Variants in DSCAM observed in about 807,000 individuals in gnomAD.
The protein encoded by DSCAM is cell adhesion molecule DSCAM.
A neutral mutation model predicts 217.7 loss-of-function variants in DSCAM; 47 were observed. The observed-to-expected ratio is 0.22, with a 90% confidence interval of 0.17 to 0.28. The LOEUF is 0.28. DSCAM is among the 10% of genes least tolerant of loss of function. The pLI is 1.00. For synonymous variants in DSCAM, 1,056 were observed against 1,015.3 expected, an observed-to-expected ratio of 1.04 and a Z score of -0.76; for missense variants, 2,080 against 2,618.3, an observed-to-expected ratio of 0.79 and a Z score of 4.49.
At chr21:40,134,256 G>A (rs151176626) in intron 18 of DSCAM, among the ~76,000 whole-genome samples, 35 of 152,186 alleles carry the variant, frequency 2.3e-4, no homozygotes, top group African/African-American at 7.9e-4. Context: ...TCTGGAAAAC[G>A]AAGTAATTCG....
rs1209426523 is a variant in DSCAM at position 40,306,250 on chromosome 21, T to C, written c.2062+5831A>G. ...ATAATTTGGCTCTCTGTTTGTCTGT[T>C]ATTGGTATATAAGAATGCTTGTGAT... On this transcript the variant is annotated intron_variant, in intron 9 of 32. Coordinates refer to ENST00000400454, the MANE Select transcript of DSCAM (RefSeq NM_001389.5). 1.4e-5 allele frequency among the ~76,000 whole-genome samples: 2 copies of C among 144,536 alleles called. 1 individual carries two copies. The highest frequency in any genetic ancestry group is 5.6e-5 in the African/African-American group (2 of 36,008). The allele number at this position is 144,536 out of a possible 152,430, so 94.8% of individuals were successfully genotyped here. A position where few individuals can be genotyped will look rare whatever the true frequency, so the allele number is the denominator to read the frequency against.
intron 1 of DSCAM, among the ~76,000 whole-genome samples, chr21:40,810,401 T>G (rs147897878): frequency 8.5e-5 from 13 of 152,308 alleles, no homozygotes; most frequent in African/African-American, 3.1e-4. Flanking sequence ...ATGAATTTAT[T>G]AGAAGTTCTC....
chr21:40,469,468 G>T (rs2075870873), intron 3 of DSCAM, among the ~76,000 whole-genome samples: 2 of 152,086 alleles, frequency 1.3e-5, no homozygotes, highest in Admixed American at 1.3e-4. Context: ...AAACAAAATA[G>T]AATAAATTCC....
At chr21:40,715,246 T>C (rs915167011) in intron 1 of DSCAM, among the ~76,000 whole-genome samples, 3 of 152,246 alleles carry the variant, frequency 2.0e-5, no homozygotes, top group African/African-American at 4.8e-5. Flanking sequence ...AGTTTCATTA[T>C]ATGCCTGCCT....
intron 3 of DSCAM, among the ~76,000 whole-genome samples, chr21:40,405,623 A>G (rs2075273557): frequency 6.6e-6 from 1 of 152,250 alleles, no homozygotes; most frequent in Non-Finnish European, 1.5e-5. Context: ...TCCAAAATAC[A>G]TAAGAGACTC....
chr21:40,462,699 C>A (rs1444626798), intron 3 of DSCAM, among the ~76,000 whole-genome samples: 2 of 152,110 alleles, frequency 1.3e-5, no homozygotes, highest in Non-Finnish European at 2.9e-5. Context: ...GTATAGATAC[C>A]TGGGTTCCAT....
intron 3 of DSCAM, among the ~76,000 whole-genome samples, chr21:40,390,188 G>C (rs1180118544): frequency 1.3e-5 from 2 of 152,200 alleles, no homozygotes; most frequent in African/African-American, 4.8e-5. Context: ...ATTCAGACCT[G>C]CTCAGCAGGT....
At chr21:40,087,344 G>T in intron 21 of DSCAM, 57 bp from the exon 22 acceptor site, 1 of 1,361,996 alleles carries the variant, frequency 7.3e-7, no homozygotes, top group South Asian at 1.2e-5. Flanking sequence ...CTACACAGAG[G>T]CCAACATGAC....
chr21:40,707,413 AGC>A, intron 2 of DSCAM, among the ~76,000 whole-genome samples: 1 of 152,176 alleles, frequency 6.6e-6, no homozygotes, highest in African/African-American at 2.4e-5. Flanking sequence ...GGAATTCATG[AGC>A]ATGTCACAAA....
chr21:40,325,806 C>A (rs2074311078), intron 8 of DSCAM, among the ~76,000 whole-genome samples: 1 of 152,152 alleles, frequency 6.6e-6, no homozygotes, highest in Non-Finnish European at 1.5e-5. Flanking sequence ...TAATGCATAG[C>A]TGGTGGTAAA....
chr21:40,348,738 T>A (rs540309306), intron 5 of DSCAM, among the ~76,000 whole-genome samples: 1 of 152,332 alleles, frequency 6.6e-6, no homozygotes, highest in African/African-American at 2.4e-5. Context: ...AACATCCTCT[T>A]CGCTATTTTT....
At chr21:40,400,275 T>C (rs1328657780) in intron 3 of DSCAM, among the ~76,000 whole-genome samples, 1 of 152,196 alleles carries the variant, frequency 6.6e-6, no homozygotes, top group Non-Finnish European at 1.5e-5. Flanking sequence ...CCCCATTACA[T>C]TATTTAAAAA....
chr21:40,190,566 G>A (rs560394620), intron 11 of DSCAM, among the ~76,000 whole-genome samples: 7 of 152,182 alleles, frequency 4.6e-5, no homozygotes, highest in Non-Finnish European at 1.0e-4. Flanking sequence ...TGTTATATAT[G>A]TAGAAAAACA....
At chr21:40,270,488 G>A (rs935363978) in intron 11 of DSCAM, among the ~76,000 whole-genome samples, 2 of 152,126 alleles carry the variant, frequency 1.3e-5, no homozygotes. Flanking sequence ...GCATAAGCTG[G>A]GTGTTCACAA....
intron 3 of DSCAM, among the ~76,000 whole-genome samples, chr21:40,682,325 T>C (rs1202041410): frequency 6.6e-6 from 1 of 151,790 alleles, no homozygotes; most frequent in African/African-American, 2.4e-5. Flanking sequence ...GATTGGACTT[T>C]TAGATTGACA....
At chr21:40,561,535 A>G (rs751247305) in intron 3 of DSCAM, among the ~76,000 whole-genome samples, 10 of 152,158 alleles carry the variant, frequency 6.6e-5, no homozygotes, top group Non-Finnish European at 1.3e-4. Flanking sequence ...TTATATGATC[A>G]TCCTTTAGCT....
intron 1 of DSCAM, among the ~76,000 whole-genome samples, chr21:40,791,709 G>A (rs1361130991): frequency 6.6e-6 from 1 of 152,064 alleles, no homozygotes; most frequent in Non-Finnish European, 1.5e-5. Flanking sequence ...TCTTGGAGTC[G>A]AGACACAGTA....
At chr21:40,422,465 A>AC (rs2075433645) in intron 3 of DSCAM, among the ~76,000 whole-genome samples, 1 of 113,582 alleles carries the variant, frequency 8.8e-6, no homozygotes, top group Admixed American at 8.4e-5. Context: ...CTCCATCTCT[A>AC]CTAAAAAAAA....
chr21:40,666,651 G>A (rs764797004), intron 3 of DSCAM, among the ~76,000 whole-genome samples: 13 of 152,162 alleles, frequency 8.5e-5, no homozygotes, highest in Non-Finnish European at 1.5e-4. Flanking sequence ...TTTCCTGGGC[G>A]TTTTGTACTT....
Sources: allele counts gnomAD v4.1 joint callset (sites outside exome capture counted in the v4.1 genomes callset), GRCh38; gene constraint gnomAD v4.1.1; transcripts MANE v1.5; gene names NCBI Gene and HGNC (gene_info 2026-07-23, HGNC 2026-07-21).